The following HECW1 variants were observed in gnomAD, a reference collection of about 807,000 sequenced individuals.
HECW1 encodes the protein E3 ubiquitin-protein ligase HECW1.
In HECW1, 61 loss-of-function variants were observed where a neutral mutation model predicts 182.3. The observed-to-expected ratio is 0.33, with a 90% confidence interval of 0.27 to 0.41. HECW1 has a LOEUF of 0.41. HECW1 is among the 10% of genes least tolerant of loss of function. The pLI is 1.00. For synonymous variants in HECW1, 859 were observed against 832.6 expected (o/e 1.03, Z -0.55); for missense variants, 1,739 against 2,108.9 (o/e 0.82, Z 3.44).
intron 16 of HECW1, among the ~76,000 whole-genome samples, 189 bp from the exon 17 acceptor site, chr7:43,479,421 G>A (rs1312921498): frequency 6.6e-6 from 1 of 152,144 alleles, no homozygotes; most frequent in African/African-American, 2.4e-5. Context: ...ACCTCCTGCT[G>A]TGCAGCCAAG....
At chr7:43,128,110 G>A (rs968121738) in intron 2 of HECW1, among the ~76,000 whole-genome samples, 4 of 152,066 alleles carry the variant, frequency 2.6e-5, no homozygotes, top group African/African-American at 9.7e-5. Context: ...GAACTGCTGG[G>A]CTCAAGCAAT....
chr7:43,390,709 G>T (rs1362295651), intron 6 of HECW1, among the ~76,000 whole-genome samples: 1 of 152,018 alleles, frequency 6.6e-6, no homozygotes, highest in Non-Finnish European at 1.5e-5. Context: ...AAGTCTTTCA[G>T]ACCAAATATT....
At chr7:43,537,541 T>C (rs2081219878) in intron 24 of HECW1, among the ~76,000 whole-genome samples, 1 of 148,096 alleles carries the variant, frequency 6.8e-6, no homozygotes, top group South Asian at 2.1e-4. Context: ...GCACCATTAC[T>C]AGAAGGTGTT....
chr7:43,149,374 AC>A (rs1420869056), intron 2 of HECW1, among the ~76,000 whole-genome samples: 3 of 152,212 alleles, frequency 2.0e-5, no homozygotes, highest in African/African-American at 7.2e-5. Flanking sequence ...TATTAGATAA[AC>A]CCAAAATAAG....
At chr7:43,503,158 T>C (rs1022840327) in intron 21 of HECW1, among the ~76,000 whole-genome samples, 1 of 152,198 alleles carries the variant, frequency 6.6e-6, no homozygotes, top group Non-Finnish European at 1.5e-5. Flanking sequence ...GTTAAGGAAA[T>C]GTGCAATGCT....
At chr7:43,500,150 G>A (rs1383777600) in intron 19 of HECW1, among the ~76,000 whole-genome samples, 1 of 151,060 alleles carries the variant, frequency 6.6e-6, no homozygotes, top group Non-Finnish European at 1.5e-5. Context: ...GCCCAGGCTG[G>A]AGTGCAGTGG....
chr7:43,134,318 C>T (rs759264555), intron 2 of HECW1, among the ~76,000 whole-genome samples: 18 of 136,684 alleles, frequency 1.3e-4, no homozygotes, highest in East Asian at 2.4e-4. Context: ...CGCTTGAACC[C>T]GGGAGGCAGA....
intron 5 of HECW1, among the ~76,000 whole-genome samples, chr7:43,360,254 C>T (rs763990787): frequency 5.3e-5 from 8 of 151,314 alleles, no homozygotes; most frequent in Admixed American, 2.0e-4. Flanking sequence ...CCCTATTACC[C>T]AGGCTGGAGT....
At chr7:43,248,822 G>A (rs1185006524) in intron 3 of HECW1, 3 of 152,038 alleles carry the variant, frequency 2.0e-5, no homozygotes, top group Admixed American at 1.3e-4. Flanking sequence ...CGGAGTCCTA[G>A]GCCACTCTAT....
chr7:43,242,284 G>A (rs887784278), intron 2 of HECW1, among the ~76,000 whole-genome samples: 1 of 152,174 alleles, frequency 6.6e-6, no homozygotes, highest in Non-Finnish European at 1.5e-5. Context: ...AGGCTCCATG[G>A]GAGTTGAGTG....
At chr7:43,314,681 A>G (rs900205411) in intron 4 of HECW1, among the ~76,000 whole-genome samples, 1 of 152,260 alleles carries the variant, frequency 6.6e-6, no homozygotes, top group South Asian at 2.1e-4. Context: ...AGCTACACAT[A>G]TATAACTGTG....
At chr7:43,278,808 C>T (rs996394339) in intron 3 of HECW1, among the ~76,000 whole-genome samples, 2 of 152,146 alleles carry the variant, frequency 1.3e-5, no homozygotes, top group African/African-American at 4.8e-5. Context: ...ACCGCATTTA[C>T]AATTGCAACC....
At chr7:43,302,345 G>T (rs1026914111) in intron 3 of HECW1, among the ~76,000 whole-genome samples, 2 of 152,236 alleles carry the variant, frequency 1.3e-5, no homozygotes, top group African/African-American at 4.8e-5. Context: ...AGGGCAGGCA[G>T]CTGCCCTTCT....
At chr7:43,151,205 A>T (rs1327135888) in intron 2 of HECW1, among the ~76,000 whole-genome samples, 1 of 152,206 alleles carries the variant, frequency 6.6e-6, no homozygotes, top group Non-Finnish European at 1.5e-5. Context: ...AACTGGGTGC[A>T]GCTGGCTACA....
intron 2 of HECW1, among the ~76,000 whole-genome samples, chr7:43,170,742 T>C (rs1021872205): frequency 1.3e-5 from 2 of 152,076 alleles, no homozygotes; most frequent in Non-Finnish European, 2.9e-5. Context: ...GAAGGACTTA[T>C]TAAGTGGATG....
In HECW1 at chr7:43,444,249, T is replaced by C. The variant is rs2076974647; in HGVS notation, c.1077T>C (p.Pro359=). ...DDEEISLSTE[P]ESAQIQDSPM... ...AGGAGATTTCCCTGAGTACCGAGCCTGAGTCAGCCCAAATTCAGGACAGCC... is the reference window on the plus strand; with the variant it reads ...AGGAGATTTCCCTGAGTACCGAGCCCGAGTCAGCCCAAATTCAGGACAGCC... Residue 359 remains proline, a synonymous_variant, in exon 11 of 30, where the codon CCT becomes CCC. Transcript: ENST00000395891. This position sits in a 1 kb window ranked among gnomAD's most constrained non-coding sequence, Gnocchi z 4.3. The C allele has an allele frequency of 6.2e-7, 1 of 1,610,758 alleles. No individual in the cohort carries two copies. Among genetic ancestry groups the C allele is most frequent in the Non-Finnish European group, 8.5e-7 (1 of 1,177,264 alleles).
chr7:43,293,291 C>A (rs981697373), intron 3 of HECW1, among the ~76,000 whole-genome samples: 7 of 151,536 alleles, frequency 4.6e-5, no homozygotes, highest in African/African-American at 1.7e-4. Context: ...TGGGAGCAGA[C>A]CCGAGCAGCG....
At chr7:43,156,906 C>A (rs1273943533) in intron 2 of HECW1, among the ~76,000 whole-genome samples, 2 of 152,148 alleles carry the variant, frequency 1.3e-5, no homozygotes, top group Admixed American at 1.3e-4. Flanking sequence ...TATAAGCAGG[C>A]CTTCCCTACC....
intron 4 of HECW1, among the ~76,000 whole-genome samples, chr7:43,319,955 C>T (rs1809881285): frequency 6.6e-6 from 1 of 151,978 alleles, no homozygotes; most frequent in African/African-American, 2.4e-5. Context: ...AACATTTATT[C>T]CTTTGCTTAG....
Sources: gnomAD v4.1 joint callset for allele counts (sites outside exome capture counted in the v4.1 genomes callset) on GRCh38, gnomAD v4.1.1 for gene constraint, Gnocchi (gnomAD v3.1) non-coding constraint, MANE v1.5 for transcripts, NCBI Gene and HGNC (gene_info 2026-07-23, HGNC 2026-07-21) for gene names.